TBX5: variants seen among roughly 807,000 people sequenced by gnomAD.
TBX5 encodes the protein T-box transcription factor TBX5.
In TBX5, 8 loss-of-function variants were observed where a neutral mutation model predicts 51.1. That is an observed-to-expected ratio of 0.16 (90% CI 0.09 to 0.28). TBX5 has a LOEUF of 0.28. TBX5 is among the 10% of genes least tolerant of loss of function. The pLI is 1.00. For synonymous variants in TBX5, 302 were observed against 266.4 expected (o/e 1.13, Z -1.30); for missense variants, 589 against 671.7 (o/e 0.88, Z 1.36).
Position 114,405,644 on chromosome 12 carries a change from G to A in TBX5, c.-55C>T, listed in dbSNP as rs927621130. 1.1e-6 allele frequency: 1 copy of A among 940,296 alleles called. No homozygotes were observed. Among genetic ancestry groups the A allele is most frequent in the Non-Finnish European group, 1.3e-6 (1 of 788,732 alleles). The allele number at this position is 940,296 out of a possible 1,614,324, so 58.2% of individuals were successfully genotyped here. A position where few individuals can be genotyped will look rare whatever the true frequency, so the allele number is the denominator to read the frequency against. On this transcript the variant is annotated 5_prime_UTR_variant, in exon 1 of 9. Coordinates refer to ENST00000405440, the MANE Select transcript of TBX5 (RefSeq NM_181486.4). ...GACGGTTACCTCGTTCGGTGAAGCC[G>A]GTGCATTCACCACATCCTCTGCTGC...
intron 7 of TBX5, among the ~76,000 whole-genome samples, chr12:114,383,763 C>T (rs1870645466): frequency 6.6e-6 from 1 of 152,112 alleles, no homozygotes; most frequent in African/African-American, 2.4e-5. Context: ...TTCAACACAC[C>T]TTAAATCTAT....
intron 8 of TBX5, 133 bp downstream of exon 8, chr12:114,366,032 A>G (rs1407956091): frequency 9.5e-7 from 1 of 1,048,744 alleles, no homozygotes. Context: ...TCTTATCTCC[A>G]TATATTTTTG....
intron 5 of TBX5, 68 bp from the exon 6 acceptor site, chr12:114,394,961 G>A: frequency 6.5e-7 from 1 of 1,532,512 alleles, no homozygotes; most frequent in African/African-American, 1.4e-5. Flanking sequence ...ATAAAACCCT[G>A]CTCCCCGCCC....
Position 114,399,639 on chromosome 12 carries a change from G to C in TBX5, c.243-7C>G, listed in dbSNP as rs1593881450. ...GTAACTGGGAAACATCCGCCTAAGA[G>C]AGAGGGACGGAGGGAGAGAGGGGGG... On this transcript the variant is annotated splice_polypyrimidine_tract_variant and splice_region_variant and intron_variant, in intron 3 of 8. Coordinates refer to ENST00000405440, the MANE Select transcript of TBX5 (RefSeq NM_181486.4). 2 of 1,614,162 alleles carry C rather than the reference G, an allele frequency of 1.2e-6. No individual in the cohort carries two copies. The highest frequency in any genetic ancestry group is 8.5e-7 in the Non-Finnish European group (1 of 1,180,024).
intron 7 of TBX5, among the ~76,000 whole-genome samples, chr12:114,370,733 C>T (rs1180508456): frequency 1.2e-5 from 1 of 80,804 alleles, no homozygotes; most frequent in African/African-American, 4.7e-5. Context: ...CTTATGACCT[C>T]ATTTAACCTT....
chr12:114,370,490 C>T (rs992746008), intron 7 of TBX5, among the ~76,000 whole-genome samples: 1 of 152,130 alleles, frequency 6.6e-6, no homozygotes, highest in African/African-American at 2.4e-5. Context: ...AGCACACACA[C>T]AGAAATGTAT....
intron 7 of TBX5, among the ~76,000 whole-genome samples, chr12:114,369,888 A>T (rs532974290): frequency 9.2e-5 from 14 of 152,080 alleles, no homozygotes; most frequent in Admixed American, 3.9e-4. Flanking sequence ...TGCTTGACTT[A>T]TATGCTTATC....
intron 6 of TBX5, among the ~76,000 whole-genome samples, chr12:114,388,685 T>TGTGTG (rs1230879309): frequency 3.8e-5 from 5 of 131,916 alleles, no homozygotes; most frequent in Non-Finnish European, 6.5e-5. Context: ...CGTGTGTGTG[T>TGTGTG]GTGTGTGTGT....
chr12:114,363,003 T>C (rs1420565192), intron 8 of TBX5, among the ~76,000 whole-genome samples: 3 of 152,154 alleles, frequency 2.0e-5, no homozygotes, highest in African/African-American at 7.2e-5. Flanking sequence ...ACTTGTATAA[T>C]GTCCAACCTG....
chr12:114,392,253 A>G (rs919072748), intron 6 of TBX5, among the ~76,000 whole-genome samples: 4 of 152,064 alleles, frequency 2.6e-5, no homozygotes, highest in African/African-American at 9.7e-5. Context: ...ATCAATCACT[A>G]AATACGTGTA....
At chr12:114,382,327 A>ATCAC (rs1394480522) in intron 7 of TBX5, among the ~76,000 whole-genome samples, 1 of 151,948 alleles carries the variant, frequency 6.6e-6, no homozygotes, top group Admixed American at 6.6e-5. Context: ...CAATCAATCA[A>ATCAC]TCAATAAGTA....
intron 8 of TBX5, 77 bp from the exon 9 acceptor site, chr12:114,356,183 A>G (rs1465064063): frequency 7.2e-7 from 1 of 1,387,306 alleles, no homozygotes; most frequent in African/African-American, 1.4e-5. Flanking sequence ...TTATTTGGCC[A>G]AAGTACTGAA....
At chr12:114,395,735 A>T (rs1359085320) in intron 5 of TBX5, among the ~76,000 whole-genome samples, 1 of 152,074 alleles carries the variant, frequency 6.6e-6, no homozygotes, top group Admixed American at 6.6e-5. Flanking sequence ...TCTACTTCCT[A>T]TCTTCCCCAT....
At chr12:114,381,431 A>G (rs1870499549) in intron 7 of TBX5, among the ~76,000 whole-genome samples, 1 of 152,154 alleles carries the variant, frequency 6.6e-6, no homozygotes, top group African/African-American at 2.4e-5. Context: ...CCCACTTGTC[A>G]CTACTGACTG....
intron 3 of TBX5, 138 bp from the exon 4 acceptor site, chr12:114,399,770 A>T: frequency 7.2e-7 from 1 of 1,392,746 alleles, no homozygotes; most frequent in South Asian, 1.2e-5. Flanking sequence ...CGCTCTCCGC[A>T]AGATCCATCC....
intron 3 of TBX5, among the ~76,000 whole-genome samples, chr12:114,400,832 A>G (rs2136420132): frequency 6.6e-6 from 1 of 152,342 alleles, no homozygotes; most frequent in Admixed American, 6.5e-5. Context: ...GACTTTGTTT[A>G]ATTTTAAATA....
At chr12:114,390,612 C>T (rs1041811585) in intron 6 of TBX5, among the ~76,000 whole-genome samples, 1 of 152,210 alleles carries the variant, frequency 6.6e-6, no homozygotes, top group South Asian at 2.1e-4. Context: ...GGGTTCATTT[C>T]CTGGTCTGAA....
intron 6 of TBX5, 101 bp from the exon 7 acceptor site, chr12:114,385,668 C>G: frequency 2.0e-6 from 2 of 1,007,298 alleles, no homozygotes; most frequent in Admixed American, 3.7e-5. Flanking sequence ...AATGCAGCCT[C>G]TGGCAACCAA....
At chr12:114,383,015 C>T (rs182743268) in intron 7 of TBX5, among the ~76,000 whole-genome samples, 12 of 151,554 alleles carry the variant, frequency 7.9e-5, no homozygotes, top group Admixed American at 1.3e-4. Flanking sequence ...GAAAAGACTC[C>T]CTTGATGACT....
Sources: gnomAD v4.1 joint callset for allele counts (sites outside exome capture counted in the v4.1 genomes callset) on GRCh38, gnomAD v4.1.1 for gene constraint, MANE v1.5 for transcripts, NCBI Gene and HGNC (gene_info 2026-07-23, HGNC 2026-07-21) for gene names.